Variants in GPHN observed in about 807,000 individuals in gnomAD.
GPHN encodes the protein gephyrin.
A neutral mutation model predicts 95.5 loss-of-function variants in GPHN; 17 were observed. The observed-to-expected ratio is 0.18, with a 90% confidence interval of 0.12 to 0.27. GPHN has a LOEUF of 0.27. Ranked by LOEUF, GPHN falls within the 10% of genes least tolerant of loss-of-function variation. The probability of loss-of-function intolerance (pLI) is 1.00; values close to 1 mark genes in which losing one functional copy is unlikely to be tolerated. For missense variants in GPHN, 660 were observed against 978.1 expected, an observed-to-expected ratio of 0.67 and a Z score of 4.34; for synonymous variants, 320 against 322.5, an observed-to-expected ratio of 0.99 and a Z score of 0.08.
chr14:66,615,519 T>G (rs2062972605), intron 1 of GPHN, among the ~76,000 whole-genome samples: 1 of 151,838 alleles, frequency 6.6e-6, no homozygotes, highest in African/African-American at 2.4e-5. Flanking sequence ...AAATGTCTTC[T>G]TTTGAGAAGT....
chr14:67,514,702 G>A, the GPHN span, among the ~76,000 whole-genome samples: 18 of 152,022 alleles, frequency 1.2e-4, no homozygotes, highest in Non-Finnish European at 2.2e-4. Flanking sequence ...GTGGCCTCCT[G>A]GGTGCTCTCC....
At chr14:66,580,061 T>C (rs1174135879) in intron 1 of GPHN, among the ~76,000 whole-genome samples, 1 of 151,832 alleles carries the variant, frequency 6.6e-6, no homozygotes, top group Non-Finnish European at 1.5e-5. Flanking sequence ...AAATCATTAA[T>C]AGGAAGAATT....
chr14:67,502,823 A>G, the GPHN span, among the ~76,000 whole-genome samples: 1 of 152,152 alleles, frequency 6.6e-6, no homozygotes, highest in African/African-American at 2.4e-5. Flanking sequence ...CCAGCAGCCA[A>G]CCAACCAACT....
intron 8 of GPHN, among the ~76,000 whole-genome samples, chr14:66,932,461 T>TTTTTG (rs1567118514): frequency 7.7e-6 from 1 of 130,666 alleles, no homozygotes; most frequent in Non-Finnish European, 1.6e-5. Context: ...TTTTTTTTTT[T>TTTTTG]TTTTTTTTTT....
chr14:66,763,761 G>C (rs2058852348), intron 2 of GPHN, among the ~76,000 whole-genome samples: 1 of 152,012 alleles, frequency 6.6e-6, no homozygotes, highest in African/African-American at 2.4e-5. Flanking sequence ...GGCTGGTTGG[G>C]AACCAGGTCA....
At chr14:66,884,431 A>T (rs2064086142) in intron 5 of GPHN, among the ~76,000 whole-genome samples, 1 of 152,110 alleles carries the variant, frequency 6.6e-6, no homozygotes, top group Admixed American at 6.6e-5. Context: ...TTAATACCAG[A>T]TCCCTGACTT....
At chr14:67,427,240 T>A in the GPHN span, among the ~76,000 whole-genome samples, 1 of 152,190 alleles carries the variant, frequency 6.6e-6, no homozygotes, top group South Asian at 2.1e-4. Flanking sequence ...ACTATCCAAA[T>A]GCCATTATAA....
Position 66,842,833 on chromosome 14 carries a change from C to T in GPHN, c.294+18267C>T, listed in dbSNP as rs776410298. 1.1e-5 allele frequency: 8 copies of T among 740,682 alleles called. No individual in the cohort carries two copies. In the African/African-American group the frequency reaches 1.2e-4, roughly 11 times the overall value. The allele number at this position is 740,682 out of a possible 1,614,324, so 45.9% of individuals were successfully genotyped here. A position where few individuals can be genotyped will look rare whatever the true frequency, so the allele number is the denominator to read the frequency against. ...CCATTTTTCACATCTGTTTAATTTCCTTGTGGATTGTTATGTATCTATGTT... is the reference window on the plus strand; with the variant it reads ...CCATTTTTCACATCTGTTTAATTTCTTTGTGGATTGTTATGTATCTATGTT... On this transcript the variant is annotated intron_variant, in intron 4 of 22. Transcript: ENST00000478722.
the GPHN span, among the ~76,000 whole-genome samples, chr14:67,630,587 T>A: frequency 2.6e-5 from 4 of 152,148 alleles, no homozygotes; most frequent in South Asian, 8.3e-4. Context: ...TGTTTATTTA[T>A]TTATTTATTT....
At chr14:67,645,037 A>G in the GPHN span, among the ~76,000 whole-genome samples, 4 of 151,958 alleles carry the variant, frequency 2.6e-5, no homozygotes, top group Non-Finnish European at 4.4e-5. Context: ...GCTAATATAT[A>G]TAAGGTAACA....
chr14:66,771,709 A>G (rs900969723), intron 2 of GPHN, among the ~76,000 whole-genome samples: 5 of 144,896 alleles, frequency 3.5e-5, no homozygotes, highest in Non-Finnish European at 4.5e-5. Context: ...ATATCTCCCA[A>G]TGCTATCCCT....
chr14:66,595,782 C>T (rs1445792212), intron 1 of GPHN, among the ~76,000 whole-genome samples: 1 of 128,120 alleles, frequency 7.8e-6, no homozygotes, highest in African/African-American at 4.2e-5. Flanking sequence ...AGTGCTACAG[C>T]TCTTCTCTCC....
At chr14:66,948,463 A>T (rs1355369887) in intron 8 of GPHN, among the ~76,000 whole-genome samples, 1 of 152,100 alleles carries the variant, frequency 6.6e-6, no homozygotes, top group Non-Finnish European at 1.5e-5. Flanking sequence ...AGGTATTCAC[A>T]TTTTTTGTTA....
At chr14:67,364,583 A>T in the GPHN span, 5 of 553,092 alleles carry the variant, frequency 9.0e-6, no homozygotes, top group Non-Finnish European at 1.5e-5. Context: ...TAAAAATTAA[A>T]GCTTGGTTCC....
At chr14:66,572,572 G>T (rs2060738998) in intron 1 of GPHN, among the ~76,000 whole-genome samples, 1 of 151,392 alleles carries the variant, frequency 6.6e-6, no homozygotes, top group South Asian at 2.1e-4. Context: ...ATATTTTGTT[G>T]TTAGTGTATA....
At chr14:67,580,871 G>C in the GPHN span, 1 of 1,035,454 alleles carries the variant, frequency 9.7e-7, no homozygotes, top group South Asian at 1.3e-5. Flanking sequence ...GTCCAGCCCT[G>C]GCTGGACCTT....
At chr14:66,895,258 A>G (rs2064773563) in intron 5 of GPHN, among the ~76,000 whole-genome samples, 1 of 152,176 alleles carries the variant, frequency 6.6e-6, no homozygotes, top group Non-Finnish European at 1.5e-5. Context: ...TATCGCAAAA[A>G]CAAAAAACCA....
the GPHN span, among the ~76,000 whole-genome samples, chr14:67,661,213 G>T: frequency 7.2e-6 from 1 of 139,188 alleles, no homozygotes; most frequent in African/African-American, 2.6e-5. Flanking sequence ...CAATCTTAAT[G>T]AGTTTGCTGA....
chr14:66,811,067 A>G (rs1193392980), intron 3 of GPHN, among the ~76,000 whole-genome samples: 1 of 152,248 alleles, frequency 6.6e-6, no homozygotes, highest in Non-Finnish European at 1.5e-5. Context: ...TTGATTATTT[A>G]TGACATATTG....
Sources: gnomAD v4.1 joint callset for allele counts (sites outside exome capture counted in the v4.1 genomes callset) on GRCh38, gnomAD v4.1.1 for gene constraint, MANE v1.5 for transcripts, NCBI Gene and HGNC (gene_info 2026-07-23, HGNC 2026-07-21) for gene names.